Variants in INPP5A observed in about 807,000 individuals in gnomAD.
INPP5A encodes inositol polyphosphate-5-phosphatase A, also known as 43 kDa inositol polyphosphate 5-phophatase.
A neutral mutation model predicts 65.2 loss-of-function variants in INPP5A; 14 were observed. That is an observed-to-expected ratio of 0.21 (90% confidence interval 0.14 to 0.34). The LOEUF is 0.34. Among genes scored for constraint, INPP5A ranks in the 10% least tolerant of loss-of-function variants. INPP5A has a pLI of 1.00. For synonymous variants in INPP5A, 207 were observed against 208.3 expected (o/e 0.99, Z 0.05); for missense variants, 431 against 545.6 (o/e 0.79, Z 2.09).
chr10:132,612,404 T>C (rs2071971454), intron 2 of INPP5A, among the ~76,000 whole-genome samples: 1 of 151,760 alleles, frequency 6.6e-6, no homozygotes, highest in East Asian at 1.9e-4. Flanking sequence ...TGAGTTAGAA[T>C]TGTGATGTTG....
chr10:132,715,638 CTT>C (rs1267435376), intron 8 of INPP5A, among the ~76,000 whole-genome samples: 5 of 152,256 alleles, frequency 3.3e-5, no homozygotes, highest in African/African-American at 1.2e-4. Context: ...GTTCCCAGAA[CTT>C]GCCTTGCTGT....
At chr10:132,562,886 T>C (rs1219274976) in intron 1 of INPP5A, among the ~76,000 whole-genome samples, 1 of 152,120 alleles carries the variant, frequency 6.6e-6, no homozygotes, top group Non-Finnish European at 1.5e-5. Flanking sequence ...GGTGGTGCCC[T>C]CCTTCCCCTG....
intron 2 of INPP5A, among the ~76,000 whole-genome samples, chr10:132,642,116 T>C (rs1295846648): frequency 6.6e-6 from 1 of 152,110 alleles, no homozygotes; most frequent in African/African-American, 2.4e-5. Context: ...AGGGGCGGCC[T>C]TCTGGGAACA....
chr10:132,597,186 T>C (rs1298252070), intron 1 of INPP5A, among the ~76,000 whole-genome samples: 1 of 152,284 alleles, frequency 6.6e-6, no homozygotes, highest in Non-Finnish European at 1.5e-5. Flanking sequence ...CGTATGCACA[T>C]GCACTTGTGT....
intron 8 of INPP5A, among the ~76,000 whole-genome samples, chr10:132,725,814 G>C (rs911483149): frequency 6.6e-6 from 1 of 152,236 alleles, no homozygotes; most frequent in South Asian, 2.1e-4. Context: ...GCCTGCCCCT[G>C]CCCTGGCAGC....
chr10:132,776,269 C>G (rs561496888), intron 12 of INPP5A, among the ~76,000 whole-genome samples: 1 of 152,198 alleles, frequency 6.6e-6, no homozygotes, highest in African/African-American at 2.4e-5. Flanking sequence ...TGCCCAAGGC[C>G]GGGTGGCAGC....
Position 132,651,714 on chromosome 10 carries a change from C to A in INPP5A, c.306+1209C>A, listed in dbSNP as rs907403517. Among the ~76,000 whole-genome samples the A allele has an allele frequency of 2.4e-4, 36 of 152,226 alleles. No individual in the cohort carries two copies. Among genetic ancestry groups the A allele is most frequent in the Non-Finnish European group, 5.0e-4 (34 of 68,032 alleles). On this transcript the variant is annotated intron_variant, in intron 4 of 15. Transcript: ENST00000368594. This position sits in a 1 kb window ranked among gnomAD's most constrained non-coding sequence, Gnocchi z 5.0. ...GTGCCCCCCTGCCCTGCAGGTGGGA[C>A]TCTCATTGCTGTTTGGGTTCAAGGG...
At position 132,762,394 on chromosome 10, in the gene INPP5A, G is replaced by A. The variant is rs554318227; in HGVS notation, c.904-3379G>A. ...CCTATTACATAAGAATGCAAGTGGC[G>A]GCGGGTTTCCAGAACAACCACAAAA... is the stretch of plus-strand genomic sequence containing the variant. On this transcript the variant is annotated intron_variant, in intron 11 of 15. Coordinates refer to ENST00000368594, the MANE Select transcript of INPP5A (RefSeq NM_005539.5). This position sits in a 1 kb window ranked among gnomAD's most constrained non-coding sequence, Gnocchi z 4.6. 1.0e-3 allele frequency among the ~76,000 whole-genome samples: 155 copies of A among 152,298 alleles called. No individual in the cohort carries two copies. Among genetic ancestry groups the A allele is most frequent in the African/African-American group, 3.5e-3 (145 of 41,552 alleles).
At chr10:132,652,809 TGTC>T (rs1192052348) in intron 4 of INPP5A, among the ~76,000 whole-genome samples, 2 of 152,240 alleles carry the variant, frequency 1.3e-5, no homozygotes, top group African/African-American at 4.8e-5. Flanking sequence ...ACGAGCGTGT[TGTC>T]GGGGCTGAGA....
chr10:132,716,605 C>T (rs1055006319), intron 8 of INPP5A, among the ~76,000 whole-genome samples: 10 of 152,042 alleles, frequency 6.6e-5, no homozygotes, highest in African/African-American at 2.4e-4. Flanking sequence ...TGTCTCCACT[C>T]CCGCTGGTCC....
chr10:132,690,431 A>G lies in INPP5A; in HGVS notation c.346A>G (p.Asn116Asp). Reference sequence around the variant, plus strand: ...TTATTTTCTTCATGAGTCCTTAAAAAACATCTACCAGTTTGACTTTAAAGG... The same window carrying G: ...TTATTTTCTTCATGAGTCCTTAAAAGACATCTACCAGTTTGACTTTAAAGG... Reference protein sequence around the residue: ...SFYFLHESLKNIYQFDFKAKK... With the variant: ...SFYFLHESLKDIYQFDFKAKK... The change falls in exon 5 of 16, where the codon AAC (asparagine) becomes GAC (aspartate). Residue 116 changes from asparagine (N) to aspartate (D), a missense_variant. By Grantham distance (23) the Asn-to-Asp change is conservative. Coordinates refer to ENST00000368594, the MANE Select transcript of INPP5A (RefSeq NM_005539.5). The G allele has an allele frequency of 1.9e-6, 3 of 1,613,112 alleles. No individual in the cohort carries two copies. Among genetic ancestry groups the G allele is most frequent in the Non-Finnish European group, 2.5e-6 (3 of 1,179,332 alleles).
intron 13 of INPP5A, 24 bp downstream of exon 13, chr10:132,777,806 T>G: frequency 6.2e-7 from 1 of 1,610,086 alleles, no homozygotes; most frequent in Non-Finnish European, 8.5e-7. Flanking sequence ...GCCCCAGCCC[T>G]GGGCACAGAG....
chr10:132,609,363 A>G (rs1009956210), intron 2 of INPP5A, among the ~76,000 whole-genome samples: 2 of 152,156 alleles, frequency 1.3e-5, no homozygotes, highest in Non-Finnish European at 2.9e-5. Flanking sequence ...TCTGTCCTTT[A>G]TGTCAACCGC....
chr10:132,677,154 G>A (rs1189599272), intron 4 of INPP5A, among the ~76,000 whole-genome samples: 1 of 152,102 alleles, frequency 6.6e-6, no homozygotes, highest in Non-Finnish European at 1.5e-5. Context: ...AGTCACCTTT[G>A]ATGCCTCCCT....
chr10:132,577,951 C>A (rs1354347959), intron 1 of INPP5A, among the ~76,000 whole-genome samples: 4 of 152,226 alleles, frequency 2.6e-5, no homozygotes, highest in Admixed American at 1.3e-4. Context: ...ATGAAGCTGG[C>A]AGCTGGACAG....
chr10:132,540,839 C>T (rs4880265), intron 1 of INPP5A, among the ~76,000 whole-genome samples: 1 of 152,170 alleles, frequency 6.6e-6, no homozygotes, highest in African/African-American at 2.4e-5. Context: ...AGTGCTGGAG[C>T]CGGTCACAGT....
chr10:132,690,793 G>C (rs1394839983), intron 5 of INPP5A, among the ~76,000 whole-genome samples: 2 of 152,200 alleles, frequency 1.3e-5, no homozygotes, highest in African/African-American at 4.8e-5. Context: ...AACAGGCAGG[G>C]ACGGTCCTCC....
chr10:132,562,539 G>A (rs1370264705), intron 1 of INPP5A, among the ~76,000 whole-genome samples: 3 of 152,262 alleles, frequency 2.0e-5, no homozygotes, highest in Admixed American at 1.3e-4. Context: ...CTGCATGACA[G>A]GCAGAGACTG....
chr10:132,722,622 G>A (rs969918793), intron 8 of INPP5A, among the ~76,000 whole-genome samples: 1 of 152,168 alleles, frequency 6.6e-6, no homozygotes, highest in African/African-American at 2.4e-5. Flanking sequence ...TTAATCTGCG[G>A]TGTCGTGAGG....
Sources: gnomAD v4.1 joint callset for allele counts (sites outside exome capture counted in the v4.1 genomes callset) on GRCh38, gnomAD v4.1.1 for gene constraint, Gnocchi (gnomAD v3.1) non-coding constraint, MANE v1.5 for transcripts, NCBI Gene and HGNC (gene_info 2026-07-23, HGNC 2026-07-21) for gene names.